Variants in LMX1B observed in about 807,000 individuals in gnomAD.
LMX1B encodes LIM homeobox transcription factor 1-beta.
A neutral mutation model predicts 51.4 loss-of-function variants in LMX1B; 12 were observed. The ratio of observed to expected loss-of-function variants is 0.23; its 90% confidence interval spans 0.15 to 0.38. LMX1B has a LOEUF of 0.38. LMX1B is among the 10% of genes least tolerant of loss of function. LMX1B has a pLI of 1.00. For synonymous variants in LMX1B, 237 were observed against 235.4 expected, an observed-to-expected ratio of 1.01 and a Z score of -0.06; for missense variants, 445 against 571.1, an observed-to-expected ratio of 0.78 and a Z score of 2.25.
intron 2 of LMX1B, among the ~76,000 whole-genome samples, chr9:126,643,940 C>T (rs1279528761): frequency 2.0e-5 from 3 of 152,198 alleles, no homozygotes; most frequent in Non-Finnish European, 4.4e-5. Flanking sequence ...AACTGAGGCT[C>T]GGGGTCAAGT....
rs199576161 is a variant in LMX1B, at chr9:126,641,652, G to A, written c.326+26083G>A. On this transcript the variant is annotated intron_variant, in intron 2 of 7. Coordinates refer to ENST00000373474, the MANE Select transcript of LMX1B (RefSeq NM_001174147.2). The surrounding 1 kb of genome is among the most constrained non-coding windows in gnomAD (Gnocchi z 4.1). ...TTTCTGTCCTTGAGCCAGTCCCTCC[G>A]CTGGAACCCACCACGCTGCTTGCTG... is the stretch of plus-strand genomic sequence containing the variant. 6.0e-4 allele frequency among the ~76,000 whole-genome samples: 92 copies of A among 152,144 alleles called. No homozygotes were observed. In the East Asian group the frequency reaches 8.9e-3, roughly 15 times the overall value.
At position 126,625,805 on chromosome 9, in the gene LMX1B, G is replaced by A. The variant is rs1348872629; in HGVS notation, c.326+10236G>A. 6.6e-6 allele frequency among the ~76,000 whole-genome samples: 1 copy of A among 152,288 alleles called. No homozygotes were observed. The highest frequency in any genetic ancestry group is 1.5e-5 in the Non-Finnish European group (1 of 68,022). The stretch of plus-strand genomic sequence containing the variant: ...CCTGTCTGCCGACTGGCCCTTCGAC[G>A]TCGCCGCCGTGCCTGAGCCCCGCTG... On this transcript the variant is annotated intron_variant, in intron 2 of 7. Transcript: ENST00000373474. This position sits in a 1 kb window ranked among gnomAD's most constrained non-coding sequence, Gnocchi z 5.3.
At position 126,695,689 on chromosome 9, in the gene LMX1B, T is replaced by C; in HGVS notation, c.887-150T>C. 2.5e-6 allele frequency: 2 copies of C among 798,776 alleles called. No homozygotes were observed. The highest frequency in any genetic ancestry group is 4.0e-6 in the Non-Finnish European group (2 of 494,038). The allele number at this position is 798,776 out of a possible 1,614,324, so 49.5% of individuals were successfully genotyped here. On this transcript the variant is annotated intron_variant, in intron 6 of 7. Transcript: ENST00000373474. This position sits in a 1 kb window ranked among gnomAD's most constrained non-coding sequence, Gnocchi z 5.2. ...TGGAGGAGGAGCTGGAGTGTGCACC[T>C]GGGGAAGGGGCTGGGGAGTCAGTGT...
In LMX1B at chr9:126,696,442, C is replaced by G. The variant is rs372183654; in HGVS notation, c.1200C>G (p.Phe400Leu). The part of the protein sequence containing the change: ...DRLYSMQSSY[F>L]AS ...TCTACTCCATGCAGAGTTCCTACTT[C>G]GCCTCCTGAGAGCCAGCCAGGCGCA... The change falls in exon 8 of 8, where the codon TTC becomes TTG. Residue 400 changes from phenylalanine (F) to leucine (L), a missense_variant. Physicochemically the swap from Phe to Leu is conservative, Grantham distance 22 (BLOSUM62 0). Around this residue, in one of 3 missense-constraint regions of LMX1B, gnomAD observed 162 missense variants for 187.8 expected, o/e 0.86. Coordinates refer to ENST00000373474, the MANE Select transcript of LMX1B (RefSeq NM_001174147.2). 1 of 1,613,862 alleles carries G rather than the reference C, an allele frequency of 6.2e-7. No individual in the cohort carries two copies. Among genetic ancestry groups the G allele is most frequent in the Non-Finnish European group, 8.5e-7 (1 of 1,179,938 alleles).
At chr9:126,624,463 T>C (rs1299333370) in intron 2 of LMX1B, among the ~76,000 whole-genome samples, 4 of 152,162 alleles carry the variant, frequency 2.6e-5, no homozygotes, top group Non-Finnish European at 4.4e-5. Context: ...GGTTTGTTTA[T>C]TGAGAGAACA....
At chr9:126,623,586 C>G (rs759566392) in intron 2 of LMX1B, among the ~76,000 whole-genome samples, 11 of 152,204 alleles carry the variant, frequency 7.2e-5, no homozygotes, top group Admixed American at 3.9e-4. Context: ...ATTTCCCCCC[C>G]AGGCGGGTCC....
intron 2 of LMX1B, among the ~76,000 whole-genome samples, chr9:126,646,051 G>T (rs1835894630): frequency 6.6e-6 from 1 of 152,180 alleles, no homozygotes; most frequent in South Asian, 2.1e-4. Context: ...CCAGGGGAAA[G>T]GGTTAGAATC....
intron 2 of LMX1B, among the ~76,000 whole-genome samples, chr9:126,649,825 G>A (rs1176437560): frequency 3.3e-5 from 5 of 152,138 alleles, no homozygotes; most frequent in South Asian, 4.2e-4. Flanking sequence ...ACCAGGTTTC[G>A]CCATCTTTCC....
At chr9:126,680,792 G>C (rs1244530667) in intron 2 of LMX1B, among the ~76,000 whole-genome samples, 3 of 152,170 alleles carry the variant, frequency 2.0e-5, no homozygotes, top group African/African-American at 7.2e-5. Flanking sequence ...TGAACTCAAA[G>C]GTCATGAAAT....
intron 2 of LMX1B, among the ~76,000 whole-genome samples, chr9:126,619,264 C>A (rs1165144399): frequency 2.6e-5 from 4 of 152,216 alleles, no homozygotes; most frequent in Non-Finnish European, 5.9e-5. Flanking sequence ...GAAAGACCTT[C>A]TTGGGAGGCT....
Position 126,695,882 on chromosome 9 carries a change from G to A in LMX1B, c.930G>A (p.Thr310=), listed in dbSNP as rs112171815. The change falls in exon 7 of 8, where the codon ACG becomes ACA. Residue 310 remains threonine (T), a synonymous_variant. Coordinates refer to ENST00000373474, the MANE Select transcript of LMX1B (RefSeq NM_001174147.2). This position sits in a 1 kb window ranked among gnomAD's most constrained non-coding sequence, Gnocchi z 5.2. ...TGGAGGGCATGATGGCTTCCTACAC[G>A]CCGCTGGCCCCACCACAGCAGCAGA... ...SRMEGMMASY[T]PLAPPQQQIV... 2.9e-3 allele frequency: 4,680 copies of A among 1,613,184 alleles called. 127 individuals carry two copies. In the African/African-American group the frequency reaches 0.056, roughly 19 times the overall value.
intron 7 of LMX1B, 32 bp from the exon 8 acceptor site, chr9:126,696,262 A>T (rs758368955): frequency 5.7e-5 from 92 of 1,611,308 alleles, no homozygotes; most frequent in South Asian, 1.1e-4. Flanking sequence ...CCCAGCCTGT[A>T]CCCCGGTCCT....
intron 2 of LMX1B, among the ~76,000 whole-genome samples, chr9:126,647,091 C>A (rs529280078): frequency 1.3e-5 from 2 of 152,202 alleles, no homozygotes; most frequent in Admixed American, 1.3e-4. Flanking sequence ...CTGTTCCCAG[C>A]CAGTCAGGAG....
chr9:126,631,274 A>G (rs1046303395), intron 2 of LMX1B, among the ~76,000 whole-genome samples: 8 of 152,256 alleles, frequency 5.3e-5, no homozygotes, highest in African/African-American at 1.7e-4. Context: ...AAAGATTTAA[A>G]TTAAAATAAC....
chr9:126,681,455 A>ACGTCCT (rs981855603), intron 2 of LMX1B, among the ~76,000 whole-genome samples: 1 of 120,408 alleles, frequency 8.3e-6, no homozygotes, highest in African/African-American at 3.4e-5. Flanking sequence ...CCTTTCTCCC[A>ACGTCCT]CGTCCTCTCA....
intron 2 of LMX1B, among the ~76,000 whole-genome samples, chr9:126,631,953 C>T (rs929339447): frequency 8.5e-5 from 13 of 152,090 alleles, no homozygotes; most frequent in African/African-American, 2.9e-4. Context: ...CCACCTTTGA[C>T]CATATGTATT....
chr9:126,688,602 C>T (rs539899733), intron 2 of LMX1B, among the ~76,000 whole-genome samples: 18 of 152,202 alleles, frequency 1.2e-4, no homozygotes, highest in Non-Finnish European at 2.6e-4. Context: ...CTCAGCCCCT[C>T]GGGAGAGCTG....
intron 2 of LMX1B, among the ~76,000 whole-genome samples, chr9:126,656,280 T>C (rs1314896806): frequency 6.6e-6 from 1 of 152,216 alleles, no homozygotes; most frequent in Admixed American, 6.5e-5. Context: ...CCGGATGCAG[T>C]AGCTCACACC....
At chr9:126,657,137 G>A (rs1432421782) in intron 2 of LMX1B, among the ~76,000 whole-genome samples, 2 of 152,180 alleles carry the variant, frequency 1.3e-5, no homozygotes, top group Non-Finnish European at 2.9e-5. Flanking sequence ...ATTTTGTTCT[G>A]AGATTTTGAA....
Sources: gnomAD v4.1 joint callset for allele counts (sites outside exome capture counted in the v4.1 genomes callset) on GRCh38, gnomAD v4.1.1 for gene constraint, gnomAD v4.1.1 regional missense constraint, Gnocchi (gnomAD v3.1) non-coding constraint, MANE v1.5 for transcripts, NCBI Gene and HGNC (gene_info 2026-07-23, HGNC 2026-07-21) for gene names.